The following CSRP2 variants were observed in gnomAD, a reference collection of about 807,000 sequenced individuals.
CSRP2 encodes cysteine and glycine rich protein 2.
In CSRP2, 18 loss-of-function variants were observed where a neutral mutation model predicts 24.6. The observed-to-expected ratio is 0.73, with a 90% CI of 0.51 to 1.09. The LOEUF is 1.09. Among genes scored for constraint, CSRP2 ranks in the 50% least tolerant of loss-of-function variants. The pLI is 0.00. For missense variants in CSRP2, 215 were observed against 239.4 expected, an observed-to-expected ratio of 0.90 and a Z score of 0.67; for synonymous variants, 87 against 84.3, an observed-to-expected ratio of 1.03 and a Z score of -0.18.
rs187300492 is a variant in CSRP2 at position 76,865,106 on chromosome 12, C to T, written c.112+1043G>A. Among the ~76,000 whole-genome samples, 357 of 152,272 alleles carry T rather than the reference C, an allele frequency of 2.3e-3. 2 individuals carry two copies. Among genetic ancestry groups the T allele is most frequent in the Non-Finnish European group, 4.2e-3 (287 of 68,022 alleles). On this transcript the variant is annotated intron_variant, in intron 2 of 5. Coordinates refer to ENST00000311083, the MANE Select transcript of CSRP2 (RefSeq NM_001321.3). ...GCAGAGACAGATATTAGAAAGGATT[C>T]GTAGAAATGACCAGTAGAGAACTTG...
At chr12:76,862,644 C>T (rs975987940) in intron 3 of CSRP2, 2 of 920,326 alleles carry the variant, frequency 2.2e-6, no homozygotes, top group Admixed American at 3.9e-5. Flanking sequence ...CACCTTGATA[C>T]GTTGGCAACA....
intron 1 of CSRP2, among the ~76,000 whole-genome samples, chr12:76,875,974 A>C (rs1953848226): frequency 6.6e-6 from 1 of 152,214 alleles, no homozygotes; most frequent in African/African-American, 2.4e-5. Context: ...TTCCAATTCA[A>C]AATTATTTCA....
intron 3 of CSRP2, chr12:76,861,187 C>T (rs1953673241): frequency 1.3e-5 from 2 of 151,044 alleles, no homozygotes; most frequent in Non-Finnish European, 2.9e-5. Context: ...CCTCTTAGAA[C>T]CTTATAAATT....
intron 1 of CSRP2, among the ~76,000 whole-genome samples, chr12:76,874,742 T>C (rs1298447603): frequency 6.6e-6 from 1 of 152,176 alleles, no homozygotes; most frequent in Non-Finnish European, 1.5e-5. Context: ...CTCTGCTTCC[T>C]GTCAGATCGG....
At chr12:76,872,359 C>T (rs1225493325) in intron 1 of CSRP2, among the ~76,000 whole-genome samples, 7 of 152,118 alleles carry the variant, frequency 4.6e-5, no homozygotes, top group African/African-American at 9.7e-5. Context: ...GGAGTTATTA[C>T]GAAATTATTT....
At chr12:76,863,960 A>C (rs1032708443) in intron 2 of CSRP2, 1 of 152,212 alleles carries the variant, frequency 6.6e-6, no homozygotes. Context: ...TAGACTGGGA[A>C]GTATCACACT....
At chr12:76,874,543 T>C (rs1462043155) in intron 1 of CSRP2, among the ~76,000 whole-genome samples, 2 of 146,042 alleles carry the variant, frequency 1.4e-5, no homozygotes, top group African/African-American at 4.9e-5. Flanking sequence ...CGGGCTTCCT[T>C]TTCCTTTAGG....
At chr12:76,865,339 G>A (rs1283127091) in intron 2 of CSRP2, among the ~76,000 whole-genome samples, 1 of 152,164 alleles carries the variant, frequency 6.6e-6, no homozygotes, top group African/African-American at 2.4e-5. Flanking sequence ...CAAGTCTTCT[G>A]AGGAAGGCAT....
intron 2 of CSRP2, 112 bp from the exon 3 acceptor site, chr12:76,863,456 A>G: frequency 9.1e-7 from 1 of 1,104,050 alleles, no homozygotes; most frequent in Non-Finnish European, 1.3e-6. Flanking sequence ...GCTCCCTCAC[A>G]TTCCTGGTTT....
At chr12:76,877,055 G>A (rs561004783) in intron 1 of CSRP2, among the ~76,000 whole-genome samples, 31 of 152,350 alleles carry the variant, frequency 2.0e-4, no homozygotes, top group Admixed American at 1.6e-3. Context: ...GCCTGGCTTC[G>A]TTCCTCCCCC....
intron 1 of CSRP2, among the ~76,000 whole-genome samples, 163 bp downstream of exon 1, chr12:76,878,775 G>A (rs1040203511): frequency 6.6e-6 from 1 of 152,248 alleles, no homozygotes; most frequent in Non-Finnish European, 1.5e-5. Flanking sequence ...GCAGGGATGA[G>A]AAGGCTGGCA....
chr12:76,865,815 G>T, intron 2 of CSRP2: 1 of 223,514 alleles, frequency 4.5e-6, no homozygotes. Context: ...TGGGAGCTAA[G>T]CCCTTGTAAT....
chr12:76,864,890 C>A (rs571280107), intron 2 of CSRP2: 2 of 152,302 alleles, frequency 1.3e-5, no homozygotes, highest in East Asian at 3.9e-4. Context: ...TGAAGGACAA[C>A]TACCCTTAAC....
Position 76,860,379 on chromosome 12 carries a change from T to G in CSRP2, c.316A>C (p.Thr106Pro), listed in dbSNP as rs1953663220. The change falls in exon 4 of 6, where the codon ACT becomes CCT. Residue 106 changes from threonine to proline, a missense_variant. Transcript: ENST00000311083. ...QPHRPTTNPN[T>P]SKFAQKYGGA... ...CCATATTTCTGAGCAAATTTAGAAG[T>G]GTTTGGATTTGTTGTAGGCCTGTGA... 1 of 1,614,026 alleles carries G rather than the reference T, an allele frequency of 6.2e-7. No individual in the cohort carries two copies. Among genetic ancestry groups the G allele is most frequent in the Non-Finnish European group, 8.5e-7 (1 of 1,179,964 alleles).
At chr12:76,863,997 A>C (rs966319679) in intron 2 of CSRP2, 1 of 152,222 alleles carries the variant, frequency 6.6e-6, no homozygotes, top group Non-Finnish European at 1.5e-5. Flanking sequence ...CTTCTCCAGC[A>C]GTGATGAGTC....
At position 76,863,286 on chromosome 12, in the gene CSRP2, G is replaced by A. The variant is rs755090372; in HGVS notation, c.171C>T (p.Tyr57=). 30 of 1,614,108 alleles carry A rather than the reference G, an allele frequency of 1.9e-5. No individual in the cohort carries two copies. In the Admixed American group the frequency reaches 2.3e-4, roughly 13 times the overall value. The change falls in exon 3 of 6, where the codon TAC becomes TAT. Residue 57 remains tyrosine, a synonymous_variant. Transcript: ENST00000311083. The part of the protein sequence containing the change: ...TTVAIHDEEI[Y]CKSCYGKKYG... ...ACTTCTTTCCGTAGCAGGATTTGCA[G>A]TAGATCTCTTCATCGTGAATTGCCA...
intron 2 of CSRP2, chr12:76,865,889 G>T (rs1265240733): frequency 4.3e-6 from 2 of 467,668 alleles, no homozygotes; most frequent in Middle Eastern, 5.8e-4. Flanking sequence ...TGAGGTGGGG[G>T]AGGCAGATGT....
At chr12:76,862,891 G>A (rs1316145632) in intron 3 of CSRP2, 11 of 1,530,052 alleles carry the variant, frequency 7.2e-6, no homozygotes, top group South Asian at 1.2e-5. Context: ...TCTCCAAGGT[G>A]CTGTGAAATT....
chr12:76,859,006 C>G lies in CSRP2; in HGVS notation c.528G>C (p.Gly176=). Residue 176 remains glycine (G), a synonymous_variant, in exon 6 of 6, where the codon GGG becomes GGC. Coordinates refer to ENST00000311083, the MANE Select transcript of CSRP2 (RefSeq NM_001321.3). The part of the protein sequence containing the change: ...YCKGCYAKNF[G]PKGFGYGQGA... ...CTTGGCCATAGCCAAATCCCTTGGGCCCAAAGTTCTTTGCATAGCATCCTA... is the reference window on the plus strand; with the variant it reads ...CTTGGCCATAGCCAAATCCCTTGGGGCCAAAGTTCTTTGCATAGCATCCTA... The G allele has an allele frequency of 6.2e-7, 1 of 1,614,194 alleles. No individual in the cohort carries two copies. The highest frequency in any genetic ancestry group is 2.2e-5 in the East Asian group (1 of 44,880).
Sources: gnomAD v4.1 joint callset for allele counts (sites outside exome capture counted in the v4.1 genomes callset) on GRCh38, gnomAD v4.1.1 for gene constraint, MANE v1.5 for transcripts, NCBI Gene and HGNC (gene_info 2026-07-23, HGNC 2026-07-21) for gene names.